The following ZAN variants were observed in gnomAD, a reference collection of about 807,000 sequenced individuals.
The protein encoded by ZAN is zonadhesin (gene/pseudogene).
Under a neutral mutation model 286.2 loss-of-function variants are expected in ZAN, and 260 were observed. The observed-to-expected ratio is 0.91, with a 90% CI of 0.82 to 1.01. The LOEUF (loss-of-function observed/expected upper bound fraction) is 1.01, where lower values mean the gene tolerates loss of function less well. Ranked by LOEUF, ZAN falls within the 50% of genes least tolerant of loss-of-function variation. The probability of loss-of-function intolerance (pLI) is 0.00; values close to 1 mark genes in which losing one functional copy is unlikely to be tolerated. For missense variants in ZAN, 3,410 were observed against 3,639.2 expected, an observed-to-expected ratio of 0.94 and a Z score of 1.62; for synonymous variants, 1,368 against 1,417.5, an observed-to-expected ratio of 0.97 and a Z score of 0.79.
At chr7:100,742,853 G>A (rs1443478907) in intron 7 of ZAN, among the ~76,000 whole-genome samples, 1 of 41,458 alleles carries the variant, frequency 2.4e-5, no homozygotes, top group Non-Finnish European at 5.8e-5. Flanking sequence ...GTGGGGAGAG[G>A]GAGACGGAGA....
At chr7:100,746,905 T>C (rs986038979) in intron 8 of ZAN, among the ~76,000 whole-genome samples, 1 of 151,768 alleles carries the variant, frequency 6.6e-6, no homozygotes, top group African/African-American at 2.4e-5. Flanking sequence ...ATCGAGACCA[T>C]CCTGGCTAAC....
rs902155549 is a variant in ZAN, at chr7:100,791,964, A to G, written c.7530-2A>G. ...CTGACCCCGTGGCTGTCTCTACTGC[A>G]GGGCTATACCAGCGGAGGAGGAGGG... On this transcript the variant is annotated splice_acceptor_variant, in intron 40 of 47. Coordinates refer to ENST00000613979, the MANE Select transcript of ZAN (RefSeq NM_003386.3). LOFTEE classifies it high-confidence loss of function. The G allele has an allele frequency of 2.6e-5, 42 of 1,609,850 alleles. No homozygotes were observed. Among genetic ancestry groups the G allele is most frequent in the Non-Finnish European group, 3.5e-5 (41 of 1,178,172 alleles).
In ZAN at chr7:100,763,804, A is replaced by T. The variant is rs778711846; in HGVS notation, c.3987-2A>T. The T allele has an allele frequency of 6.2e-7, 1 of 1,613,792 alleles. No homozygotes were observed. Among genetic ancestry groups the T allele is most frequent in the Admixed American group, 1.7e-5 (1 of 60,020 alleles). On this transcript the variant is annotated splice_acceptor_variant, in intron 20 of 47. Coordinates refer to ENST00000613979, the MANE Select transcript of ZAN (RefSeq NM_003386.3). LOFTEE classifies it high-confidence loss of function. This position sits in a 1 kb window ranked among gnomAD's most constrained non-coding sequence, Gnocchi z 4.6. ...AGGGAGTTTGGGGTGGGTCTCTTGC[A>T]GGTGTCAGAAGTACCAGGTGGTGAA... is the stretch of plus-strand genomic sequence containing the variant.
Position 100,746,773 on chromosome 7 carries a change from C to A in ZAN, c.931+71C>A, listed in dbSNP as rs1209879058. 9 of 1,529,600 alleles carry A rather than the reference C, an allele frequency of 5.9e-6. No homozygotes were observed. In the African/African-American group the frequency reaches 8.2e-5, roughly 14 times the overall value. The allele number at this position is 1,529,600 out of a possible 1,614,324, so 94.8% of individuals were successfully genotyped here. A position where few individuals can be genotyped will look rare whatever the true frequency, so the allele number is the denominator to read the frequency against. On this transcript the variant is annotated intron_variant, in intron 8 of 47. Transcript: ENST00000613979. ...TCCCAGGGTTGGCTTGATGGGGAAA[C>A]ATGGGGCATCCCTCAGGGTCTAGGG... is the stretch of plus-strand genomic sequence containing the variant.
chr7:100,738,563 C>T lies in ZAN; in HGVS notation c.716C>T (p.Ser239Leu), dbSNP rs1287076298. 3 of 1,516,546 alleles carry T rather than the reference C, an allele frequency of 2.0e-6. No homozygotes were observed. Among genetic ancestry groups the T allele is most frequent in the Admixed American group, 3.5e-5 (2 of 56,638 alleles). 93.9% of individuals were successfully genotyped at this position (1,516,546 alleles called of 1,614,324 possible). ...SGAKWTQKKG[S>L]SGKPGVGPDG... is the part of the protein sequence containing the mutation. ...GCCAAGTGGACTCAGAAGAAAGGGT[C>T]ATCAGGAAAGCCAGGCGTGGGGCCT... is the stretch of plus-strand genomic sequence containing the variant. The change falls in exon 7 of 48, where the codon TCA (serine) becomes TTA (leucine). Residue 239 changes from serine (S) to leucine (L), a missense_variant. Around this residue, in one of 7 missense-constraint regions of ZAN, gnomAD observed 872 missense variants for 938.9 expected, o/e 0.93. Coordinates refer to ENST00000613979, the MANE Select transcript of ZAN (RefSeq NM_003386.3).
rs1012150003 is a variant in ZAN at position 100,776,567 on chromosome 7, A to G, written c.6317+3A>G. The G allele has an allele frequency of 1.2e-5, 18 of 1,551,566 alleles. No individual in the cohort carries two copies. The highest frequency in any genetic ancestry group is 2.0e-5 in the Admixed American group (1 of 50,902). On this transcript the variant is annotated splice_donor_region_variant and intron_variant, in intron 34 of 47. Transcript: ENST00000613979. ...AAAGATAAGGACATTGACCCAAGGT[A>G]GTGGTCCCCTAAGACCCTCTAGGTT...
chr7:100,735,803 C>A, intron 3 of ZAN, 31 bp downstream of exon 3: 2 of 1,415,782 alleles, frequency 1.4e-6, no homozygotes, highest in African/African-American at 1.5e-5. Flanking sequence ...GCTAAGATTT[C>A]TCCTCCCTCC....
Position 100,797,744 on chromosome 7 carries a change from T to G in ZAN, c.*12T>G. ...ACTGTGCCTGTTAAGTTGCTCAGTTTTGAGCTGTCTTCAGACAAGAAGATT... is the reference window on the plus strand; with the variant it reads ...ACTGTGCCTGTTAAGTTGCTCAGTTGTGAGCTGTCTTCAGACAAGAAGATT... On this transcript the variant is annotated 3_prime_UTR_variant, in exon 48 of 48. Transcript: ENST00000613979. 6.2e-7 allele frequency: 1 copy of G among 1,613,936 alleles called. No homozygotes were observed. The highest frequency in any genetic ancestry group is 1.1e-5 in the South Asian group (1 of 91,082).
chr7:100,794,379 G>C, intron 44 of ZAN, 121 bp downstream of exon 44: 1 of 1,444,700 alleles, frequency 6.9e-7, no homozygotes, highest in Non-Finnish European at 9.2e-7. Context: ...GTCTGTCCCT[G>C]CCTTTGTAGG....
Position 100,738,501 on chromosome 7 carries a change from C to A in ZAN, c.654C>A (p.Asp218Glu), listed in dbSNP as rs370119698. The change falls in exon 7 of 48, where the codon GAC (aspartate) becomes GAA (glutamate). Residue 218 changes from aspartate to glutamate, a missense_variant. This residue lies in a region of ZAN where 872 missense variants were observed against 938.9 expected (regional missense o/e 0.93). Transcript: ENST00000613979. Reference protein sequence around the residue: ...MQTCSFDIPNDLCDWTWIPTA... With the variant: ...MQTCSFDIPNELCDWTWIPTA... ...CATGCAGCTTTGACATTCCAAATGA[C>A]CTCTGTGACTGGACCTGGATCCCAA... 2.4e-5 allele frequency: 36 copies of A among 1,488,002 alleles called. 5 individuals carry two copies. Among genetic ancestry groups the A allele is most frequent in the African/African-American group, 8.5e-5 (6 of 70,332 alleles). 92.2% of individuals were successfully genotyped at this position (1,488,002 alleles called of 1,614,324 possible). A position where few individuals can be genotyped will look rare whatever the true frequency, so the allele number is the denominator to read the frequency against.
intron 46 of ZAN, 54 bp from the exon 47 acceptor site, chr7:100,797,523 T>C (rs1812441782): frequency 6.2e-7 from 1 of 1,613,508 alleles, no homozygotes; most frequent in African/African-American, 1.3e-5. Context: ...GGGAAGCGGC[T>C]GGGCCCGTAA....
At chr7:100,755,047 C>A (rs1809043688) in intron 14 of ZAN, among the ~76,000 whole-genome samples, 179 bp from the exon 15 acceptor site, 2 of 152,120 alleles carry the variant, frequency 1.3e-5, no homozygotes, top group Non-Finnish European at 2.9e-5. Flanking sequence ...GCCTCAGCCT[C>A]CCAAAGTGCT....
At chr7:100,749,174 A>T (rs1235693246) in intron 11 of ZAN, among the ~76,000 whole-genome samples, 1 of 151,570 alleles carries the variant, frequency 6.6e-6, no homozygotes, top group Non-Finnish European at 1.5e-5. Flanking sequence ...CCCTGACTCC[A>T]CTAAAAAAAA....
Position 100,753,023 on chromosome 7 carries a change from C to T in ZAN, c.2918C>T (p.Thr973Met), listed in dbSNP as rs976447709. Reference protein sequence around the residue: ...TISTEKPTIPTEKLTIPTEKP... With the variant: ...TISTEKPTIPMEKLTIPTEKP... ...TCCACGGAAAAACCCACCATCCCCA[C>T]GGAAAAACTTACCATCCCCACGGAA... Residue 973 changes from threonine (T) to methionine (M), a missense_variant, in exon 14 of 48, where the codon ACG (threonine) becomes ATG (methionine). Thr to Met is a moderately conservative substitution (Grantham distance 81). Transcript: ENST00000613979. 2.4e-5 allele frequency: 38 copies of T among 1,608,886 alleles called. No individual in the cohort carries two copies. Among genetic ancestry groups the T allele is most frequent in the East Asian group, 1.1e-4 (5 of 44,484 alleles).
chr7:100,772,091 T>C, intron 29 of ZAN, 71 bp downstream of exon 29: 1 of 1,329,826 alleles, frequency 7.5e-7, no homozygotes, highest in East Asian at 2.6e-5. Context: ...TTTCTTCCTC[T>C]AAATTCTTTT....
At chr7:100,750,951 G>C in intron 12 of ZAN, 55 bp downstream of exon 12, 1 of 1,510,996 alleles carries the variant, frequency 6.6e-7, no homozygotes, top group Non-Finnish European at 8.8e-7. Flanking sequence ...CCAATGCCTG[G>C]GATCTGGGGG....
rs922528351 is a variant in ZAN at position 100,784,743 on chromosome 7, G to C, written c.6743G>C (p.Cys2248Ser). ...GTCCCCTCTGCCTGCGCTGAGGGCT[G>C]CATTTGTCAGCCCGGCTATGTGCTG... is the stretch of plus-strand genomic sequence containing the variant. ...AKVPSACAEG[C>S]ICQPGYVLSE... The change falls in exon 36 of 48, where the codon TGC becomes TCC. Residue 2248 changes from cysteine to serine, a missense_variant. Physicochemically the swap from Cys to Ser is moderately radical, Grantham distance 112 (BLOSUM62 -1). Coordinates refer to ENST00000613979, the MANE Select transcript of ZAN (RefSeq NM_003386.3). The C allele has an allele frequency of 2.5e-6, 4 of 1,613,838 alleles. No homozygotes were observed. In the African/African-American group the frequency reaches 5.3e-5, roughly 22 times the overall value.
intron 23 of ZAN, among the ~76,000 whole-genome samples, chr7:100,766,299 A>G (rs1218485009): frequency 2.0e-5 from 3 of 152,024 alleles, no homozygotes; most frequent in South Asian, 2.1e-4. Flanking sequence ...GGATAGATCA[A>G]TTTTGGTTGA....
Position 100,779,476 on chromosome 7 carries a change from G to A in ZAN, c.6348G>A (p.Gln2116=). The stretch of plus-strand genomic sequence containing the variant: ...AGAGTCTCCTGGTAGATGAGCAGCA[G>A]ATTCCAGCGGAACAGCAGGAGAACC... ...SCQSLLVDEQ[Q]IPAEQQENPS... is the part of the protein sequence containing the mutation. The change falls in exon 35 of 48, where the codon CAG becomes CAA. Residue 2116 remains glutamine (Q), a synonymous_variant. Transcript: ENST00000613979. 1 of 1,610,166 alleles carries A rather than the reference G, an allele frequency of 6.2e-7. No individual in the cohort carries two copies. Among genetic ancestry groups the A allele is most frequent in the Non-Finnish European group, 8.5e-7 (1 of 1,178,140 alleles).
Sources: allele counts gnomAD v4.1 joint callset (sites outside exome capture counted in the v4.1 genomes callset), GRCh38; gene constraint gnomAD v4.1.1; regional missense constraint gnomAD v4.1.1; non-coding constraint Gnocchi (gnomAD v3.1); transcripts MANE v1.5; gene names NCBI Gene and HGNC (gene_info 2026-07-23, HGNC 2026-07-21).